The following MAMDC4 variants were observed in gnomAD, a reference collection of about 807,000 sequenced individuals.
The protein encoded by MAMDC4 is apical endosomal glycoprotein.
A neutral mutation model predicts 153.3 loss-of-function variants in MAMDC4; 168 were observed. The observed-to-expected ratio is 1.10, with a 90% CI of 0.97 to 1.25. The LOEUF (loss-of-function observed/expected upper bound fraction) is 1.25. Among genes scored for constraint, MAMDC4 ranks in the 50% most tolerant of loss-of-function variants. The pLI is 0.00. For synonymous variants in MAMDC4, 744 were observed against 651.5 expected, an observed-to-expected ratio of 1.14 and a Z score of -2.16; for missense variants, 1,701 against 1,542.8, an observed-to-expected ratio of 1.10 and a Z score of -1.72.
Position 136,860,682 on chromosome 9 carries a change from C to A in MAMDC4, c.*79C>A. ...CCCTAGCCAGGGACCGGACACCTGC[C>A]CCGCCCAGGCTGGGACAGGCTGCAG... On this transcript the variant is annotated 3_prime_UTR_variant, in exon 27 of 27. Transcript: ENST00000317446. 1 of 1,523,778 alleles carries A rather than the reference C, an allele frequency of 6.6e-7. No homozygotes were observed. Among genetic ancestry groups the A allele is most frequent in the Non-Finnish European group, 9.1e-7 (1 of 1,102,098 alleles). 94.4% of individuals were successfully genotyped at this position (1,523,778 alleles called of 1,614,324 possible).
At chr9:136,860,146 C>G (rs1397542790) in intron 26 of MAMDC4, 82 bp downstream of exon 26, 8 of 1,429,512 alleles carry the variant, frequency 5.6e-6, no homozygotes, top group Middle Eastern at 2.5e-4. Context: ...GGGACACAAC[C>G]CCCCGGGGAG....
At chr9:136,854,442 T>C in intron 7 of MAMDC4, 97 bp from the exon 8 acceptor site, 7 of 1,514,986 alleles carry the variant, frequency 4.6e-6, no homozygotes, top group Non-Finnish European at 6.2e-6. Context: ...GGATGGTCCT[T>C]CTTGGGGTGT....
Position 136,853,265 on chromosome 9 carries a change from C to T in MAMDC4, c.155-20C>T. The T allele has an allele frequency of 1.2e-6, 2 of 1,606,458 alleles. No individual in the cohort carries two copies. Among genetic ancestry groups the T allele is most frequent in the Non-Finnish European group, 1.7e-6 (2 of 1,175,216 alleles). ...CAGTGCGAGCAGGTCTGGCACACACCTGACCACCCACTCTCCCAGGTTACC... is the reference window on the plus strand; with the variant it reads ...CAGTGCGAGCAGGTCTGGCACACACTTGACCACCCACTCTCCCAGGTTACC... On this transcript the variant is annotated intron_variant, in intron 2 of 26. Coordinates refer to ENST00000317446, the MANE Select transcript of MAMDC4 (RefSeq NM_206920.3).
chr9:136,855,104 C>G lies in MAMDC4; in HGVS notation c.1191C>G (p.Pro397=). 1 of 1,574,806 alleles carries G rather than the reference C, an allele frequency of 6.3e-7. No individual in the cohort carries two copies. The highest frequency in any genetic ancestry group is 1.1e-5 in the South Asian group (1 of 87,982). The part of the protein sequence containing the change: ...RDRVDIQSAY[P]FQILLAGQTG... ...GTGTTGACATCCAGAGCGCCTACCC[C>G]TTCCAGGTAGGGAACAGCAAGAGGG... The change falls in exon 10 of 27, where the codon CCC becomes CCG. Residue 397 remains proline, a synonymous_variant. Transcript: ENST00000317446.
Position 136,859,133 on chromosome 9 carries a change from G to T in MAMDC4, c.3084+1G>T. Reference sequence around the variant, plus strand: ...GGTAGCCAGTGCCAAGGAGTTCCAGGTGAGGCTGGCTGTGGGCAAGGAGCC... The same window carrying T: ...GGTAGCCAGTGCCAAGGAGTTCCAGTTGAGGCTGGCTGTGGGCAAGGAGCC... On this transcript the variant is annotated splice_donor_variant, in intron 24 of 26. Transcript: ENST00000317446. LOFTEE classifies it high-confidence loss of function. 1 of 1,571,350 alleles carries T rather than the reference G, an allele frequency of 6.4e-7. No homozygotes were observed. Among genetic ancestry groups the T allele is most frequent in the East Asian group, 2.3e-5 (1 of 43,566 alleles).
In MAMDC4 at chr9:136,856,122, G is replaced by A. The variant is rs753802232; in HGVS notation, c.1693G>A (p.Ala565Thr). ...PSGPSCELHL[A>T]YYLQSQPREV... ...TGGCCCCAGCTGTGAACTCCACCTG[G>A]CTTATTATTTACAGAGCCAGCCCCG... Residue 565 changes from alanine (A) to threonine (T), a missense_variant, in exon 14 of 27, where the codon GCT becomes ACT. Ala to Thr is a moderately conservative substitution (Grantham distance 58). Transcript: ENST00000317446. The A allele has an allele frequency of 1.9e-6, 3 of 1,612,376 alleles. No individual in the cohort carries two copies. The South Asian group carries it at 3.3e-5, about 18-fold the overall frequency.
rs1417275185 is a variant in MAMDC4, at chr9:136,853,600, G to A, written c.384G>A (p.Leu128=). 1 of 1,612,524 alleles carries A rather than the reference G, an allele frequency of 6.2e-7. No homozygotes were observed. The change falls in exon 4 of 27, where the codon CTG becomes CTA. Residue 128 remains leucine, a synonymous_variant. Coordinates refer to ENST00000317446, the MANE Select transcript of MAMDC4 (RefSeq NM_206920.3). ...HRGKEASTAA[L]RSPTLREAAS... ...GGAAAGAGGCATCCACCGCAGCCCT[G>A]CGCTCGCCAACCCTGCGAGAGGCAG...
In MAMDC4 at chr9:136,854,683, C is replaced by G; in HGVS notation, c.934+7C>G. 6.2e-7 allele frequency: 1 copy of G among 1,610,892 alleles called. No homozygotes were observed. Among genetic ancestry groups the G allele is most frequent in the Non-Finnish European group, 8.5e-7 (1 of 1,179,170 alleles). On this transcript the variant is annotated splice_region_variant and intron_variant, in intron 8 of 26. Transcript: ENST00000317446. ...AGCCGGAACAGTGCACAGGGTGAGG[C>G]CCACAGAGGACCCGGCCCAGGCCCT...
chr9:136,856,645 C>T (rs1397838916), intron 14 of MAMDC4, 65 bp from the exon 15 acceptor site: 2 of 1,526,142 alleles, frequency 1.3e-6, no homozygotes, highest in Non-Finnish European at 1.8e-6. Context: ...CCGGAGCTTC[C>T]ACCTTCTCAG....
Position 136,854,288 on chromosome 9 carries a change from G to A in MAMDC4, c.748G>A (p.Gly250Arg), listed in dbSNP as rs772823251. Reference sequence around the variant, plus strand: ...CGTGGAGCCCCAGCAGCTGTGCGACGGGGAAGACAACTGCGGGGACCTGTC... The same window carrying A: ...CGTGGAGCCCCAGCAGCTGTGCGACAGGGAAGACAACTGCGGGGACCTGTC... ...VCVEPQQLCD[G>R]EDNCGDLSDE... Residue 250 changes from glycine to arginine, a missense_variant, in exon 7 of 27, where the codon GGG becomes AGG. Physicochemically the swap from Gly to Arg is moderately radical, Grantham distance 125 (BLOSUM62 -2). Coordinates refer to ENST00000317446, the MANE Select transcript of MAMDC4 (RefSeq NM_206920.3). The A allele has an allele frequency of 3.2e-5, 51 of 1,605,386 alleles. No homozygotes were observed. The Admixed American group carries it at 4.9e-4, about 15-fold the overall frequency.
intron 14 of MAMDC4, 125 bp from the exon 15 acceptor site, chr9:136,856,585 G>A (rs199626141): frequency 8.7e-5 from 79 of 908,132 alleles, no homozygotes; most frequent in Non-Finnish European, 1.7e-5. Flanking sequence ...GGTTCCTGCT[G>A]CCCATCCTCA....
chr9:136,859,063 C>A lies in MAMDC4; in HGVS notation c.3015C>A (p.Gly1005=). The A allele has an allele frequency of 6.4e-7, 1 of 1,556,294 alleles. No individual in the cohort carries two copies. The highest frequency in any genetic ancestry group is 8.7e-7 in the Non-Finnish European group (1 of 1,149,578). ...HSAQGQLAVW[G]AGGHRRHQWL... ...CTCAGGGCCAGCTGGCTGTGTGGGG[C>A]GCAGGCGGGCATCGGCGGCACCAGT... The change falls in exon 24 of 27, where the codon GGC becomes GGA. Residue 1005 remains glycine (G), a synonymous_variant. Coordinates refer to ENST00000317446, the MANE Select transcript of MAMDC4 (RefSeq NM_206920.3).
rs1256012732 is a variant in MAMDC4 at position 136,853,381 on chromosome 9, G to A, written c.251G>A (p.Ser84Asn). The change falls in exon 3 of 27, where the codon AGC (serine) becomes AAC (asparagine). Residue 84 changes from serine (S) to asparagine (N), a missense_variant. Ser to Asn is a conservative substitution (Grantham distance 46). Transcript: ENST00000317446. ...CGGGACATTAGTACCTCAGGCTACA[G>A]CTGGCTCCGAGACAGGGCAGGGGCC... ...GWRDISTSGY[S>N]WLRDRAGAAL... is the part of the protein sequence containing the mutation. The A allele has an allele frequency of 1.2e-6, 2 of 1,606,440 alleles. No homozygotes were observed. The highest frequency in any genetic ancestry group is 1.7e-6 in the Non-Finnish European group (2 of 1,175,148).
chr9:136,860,239 G>A (rs1049925838), intron 26 of MAMDC4, among the ~76,000 whole-genome samples, 175 bp downstream of exon 26: 5 of 152,184 alleles, frequency 3.3e-5, no homozygotes, highest in African/African-American at 1.2e-4. Flanking sequence ...CTCCTCCTTG[G>A]CCGGGCGCGG....
intron 13 of MAMDC4, 33 bp from the exon 14 acceptor site, chr9:136,855,985 G>T: frequency 6.3e-7 from 1 of 1,593,634 alleles, no homozygotes. Context: ...CCCTGGAAGG[G>T]ATGAGGCTCT....
rs777503983 is a variant in MAMDC4 at position 136,858,992 on chromosome 9, G to C, written c.2957-13G>C. On this transcript the variant is annotated splice_polypyrimidine_tract_variant and intron_variant, in intron 23 of 26. Transcript: ENST00000317446. Reference sequence around the variant, plus strand: ...AGGACCCCAGGCCTGACACGCCCTGGCCCTGCTCTCAGACAAGGGGGAGCT... The same window carrying C: ...AGGACCCCAGGCCTGACACGCCCTGCCCCTGCTCTCAGACAAGGGGGAGCT... 6 of 1,515,112 alleles carry C rather than the reference G, an allele frequency of 4.0e-6. No homozygotes were observed. Among genetic ancestry groups the C allele is most frequent in the Non-Finnish European group, 5.3e-6 (6 of 1,128,446 alleles). 93.9% of individuals were successfully genotyped at this position (1,515,112 alleles called of 1,614,324 possible).
rs146953654 is a variant in MAMDC4 at position 136,859,316 on chromosome 9, G to A, written c.3192G>A (p.Pro1064=). ...GQHCQQPAPS[P]GNTAAPGSVP... is the part of the protein sequence containing the mutation. ...ATTGCCAGCAGCCTGCCCCCAGCCC[G>A]GGTGAGCCCTGGGCTGCAGTGGAGG... Residue 1064 remains proline, a splice_region_variant and synonymous_variant, in exon 25 of 27, where the codon CCG becomes CCA. Transcript: ENST00000317446. The A allele has an allele frequency of 1.0e-3, 1,680 of 1,609,474 alleles. 11 individuals are homozygous for A. The highest frequency in any genetic ancestry group is 8.0e-3 in the Middle Eastern group (47 of 5,890).
At position 136,859,010 on chromosome 9, in the gene MAMDC4, G is replaced by A. The variant is rs1278861612; in HGVS notation, c.2962G>A (p.Gly988Arg). ...HMGFPEHFYK[G>R]ELKVLLHSAQ... ...CGCCCTGGCCCTGCTCTCAGACAAG[G>A]GGGAGCTGAAGGTACTGCTGCACAG... Residue 988 changes from glycine to arginine, a missense_variant, in exon 24 of 27, where the codon GGG becomes AGG. Gly to Arg is a moderately radical substitution (Grantham distance 125). Coordinates refer to ENST00000317446, the MANE Select transcript of MAMDC4 (RefSeq NM_206920.3). 7.9e-6 allele frequency: 12 copies of A among 1,526,458 alleles called. No homozygotes were observed. The highest frequency in any genetic ancestry group is 1.1e-5 in the Non-Finnish European group (12 of 1,133,066). The allele number at this position is 1,526,458 out of a possible 1,614,324, so 94.6% of individuals were successfully genotyped here.
In MAMDC4 at chr9:136,857,659, G is replaced by A; in HGVS notation, c.2327G>A (p.Gly776Glu). The A allele has an allele frequency of 6.2e-7, 1 of 1,612,610 alleles. No individual in the cohort carries two copies. The highest frequency in any genetic ancestry group is 8.5e-7 in the Non-Finnish European group (1 of 1,179,874). The change falls in exon 19 of 27, where the codon GGG becomes GAG. Residue 776 changes from glycine to glutamate, a missense_variant and splice_region_variant. By Grantham distance (98) the Gly-to-Glu change is moderately conservative (BLOSUM62 -2). Coordinates refer to ENST00000317446, the MANE Select transcript of MAMDC4 (RefSeq NM_206920.3). ...PTDHTTETAQGHYMVVDTSPD... is the reference protein window; with the variant it reads ...PTDHTTETAQEHYMVVDTSPD... ...GGCAGGCTGATGCTGGCACCTCCAGGGCACTACATGGTGGTGGACACAAGC... is the reference window on the plus strand; with the variant it reads ...GGCAGGCTGATGCTGGCACCTCCAGAGCACTACATGGTGGTGGACACAAGC...
Sources: gnomAD v4.1 joint callset for allele counts (sites outside exome capture counted in the v4.1 genomes callset) on GRCh38, gnomAD v4.1.1 for gene constraint, MANE v1.5 for transcripts, NCBI Gene and HGNC (gene_info 2026-07-23, HGNC 2026-07-21) for gene names.